Variants in GNB1 observed in about 807,000 individuals in gnomAD.
The protein encoded by GNB1 is G protein subunit beta 1, also known as guanine nucleotide-binding protein G(I)/G(S)/G(T) subunit beta-1.
A neutral mutation model predicts 42.9 loss-of-function variants in GNB1; 2 were observed. The ratio of observed to expected loss-of-function variants is 0.05; its 90% CI spans 0.02 to 0.15. The LOEUF (loss-of-function observed/expected upper bound fraction) is 0.15, where lower values mean the gene tolerates loss of function less well. Ranked by LOEUF, GNB1 falls within the 10% of genes least tolerant of loss-of-function variation. The probability of loss-of-function intolerance (pLI) is 1.00; values close to 1 mark genes in which losing one functional copy is unlikely to be tolerated. For synonymous variants in GNB1, 183 were observed against 174.7 expected (o/e 1.05, Z -0.38); for missense variants, 193 against 462.2 (o/e 0.42, Z 5.34).
At chr1:1,886,351 T>C (rs1049455668) in intron 1 of GNB1, among the ~76,000 whole-genome samples, 1 of 152,144 alleles carries the variant, frequency 6.6e-6, no homozygotes, top group Non-Finnish European at 1.5e-5. Context: ...ACTAATCCAC[T>C]AGCAAACTCA....
At chr1:1,862,342 C>G (rs1163158647) in intron 1 of GNB1, among the ~76,000 whole-genome samples, 1 of 152,204 alleles carries the variant, frequency 6.6e-6, no homozygotes, top group Non-Finnish European at 1.5e-5. Flanking sequence ...GGAGGCTTGT[C>G]AGGTAAATTA....
intron 2 of GNB1, among the ~76,000 whole-genome samples, chr1:1,836,099 AAAAAC>A (rs1647145244): frequency 6.6e-6 from 1 of 151,954 alleles, no homozygotes; most frequent in South Asian, 2.1e-4. Context: ...CAAAAAAACA[AAAAAC>A]AAACTCAAAA....
intron 5 of GNB1, 30 bp downstream of exon 5, chr1:1,815,726 A>T: frequency 8.6e-7 from 1 of 1,157,372 alleles, no homozygotes; most frequent in Non-Finnish European, 1.3e-6. Flanking sequence ...TGAATGTAAC[A>T]AGCAGCATCC....
chr1:1,811,285 A>C (rs916691546), intron 5 of GNB1, among the ~76,000 whole-genome samples: 1 of 151,638 alleles, frequency 6.6e-6, no homozygotes, highest in African/African-American at 2.4e-5. Context: ...ATGGGGTTTC[A>C]CCATGTCAGC....
intron 3 of GNB1, 78 bp from the exon 4 acceptor site, chr1:1,817,953 A>T (rs925300647): frequency 1.8e-6 from 2 of 1,134,292 alleles, no homozygotes; most frequent in Non-Finnish European, 2.7e-6. Context: ...CAAAGTTTCA[A>T]AGAGAGCTTT....
At chr1:1,841,338 G>A (rs1307943251) in intron 1 of GNB1, among the ~76,000 whole-genome samples, 2 of 152,040 alleles carry the variant, frequency 1.3e-5, no homozygotes, top group African/African-American at 2.4e-5. Context: ...ACAGGCACAC[G>A]CCATGCCTTT....
intron 3 of GNB1, 31 bp from the exon 4 acceptor site, chr1:1,817,906 AC>A: frequency 6.4e-7 from 1 of 1,567,734 alleles, no homozygotes; most frequent in Non-Finnish European, 8.8e-7. Flanking sequence ...GAAATTAGCA[AC>A]CTTTCAGATA....
chr1:1,876,474 A>G (rs1052498955), intron 1 of GNB1, among the ~76,000 whole-genome samples: 6 of 148,272 alleles, frequency 4.0e-5, no homozygotes, highest in Non-Finnish European at 5.9e-5. Flanking sequence ...AGCAAGAGAG[A>G]GGACATGCAT....
chr1:1,878,837 TTCCTACAAGACTC>T (rs1212312246), intron 1 of GNB1, among the ~76,000 whole-genome samples: 1 of 152,106 alleles, frequency 6.6e-6, no homozygotes, highest in Non-Finnish European at 1.5e-5. Context: ...TCCGACTACT[TTCCTACAAGACTC>T]TCCTCACCCC....
chr1:1,790,153 C>A lies in GNB1; in HGVS notation c.699+242G>T, dbSNP rs1436210696. 1.3e-5 allele frequency among the ~76,000 whole-genome samples: 2 copies of A among 152,198 alleles called. No homozygotes were observed. The highest frequency in any genetic ancestry group is 2.9e-5 in the Non-Finnish European group (2 of 68,040). ...CTGTCTTTCCCCTCCAGGATCCCAA[C>A]CACTGCTCAGCTGTAGAGGTGGGAA... On this transcript the variant is annotated intron_variant, in intron 9 of 11. Coordinates refer to ENST00000378609, the MANE Select transcript of GNB1 (RefSeq NM_002074.5). The surrounding 1 kb of genome is among the most constrained non-coding windows in gnomAD (Gnocchi z 5.4).
At position 1,796,519 on chromosome 1, in the gene GNB1, A is replaced by G. The variant is rs531935244; in HGVS notation, c.431-3208T>C. 3.9e-5 allele frequency among the ~76,000 whole-genome samples: 6 copies of G among 152,354 alleles called. No individual in the cohort carries two copies. In the East Asian group the frequency reaches 1.2e-3, roughly 29 times the overall value. On this transcript the variant is annotated intron_variant, in intron 7 of 11. Coordinates refer to ENST00000378609, the MANE Select transcript of GNB1 (RefSeq NM_002074.5). ...AGGAGCAGAGCTGTCTGTGCACATA[A>G]GAAGTTCTCAGTAAATGGAGACAGT...
intron 2 of GNB1, among the ~76,000 whole-genome samples, chr1:1,830,932 G>A (rs944110388): frequency 6.6e-6 from 1 of 152,166 alleles, no homozygotes; most frequent in South Asian, 2.1e-4. Context: ...GAGAGGCTGA[G>A]GCAGGTGGAT....
At chr1:1,793,452 T>A (rs946297478) in intron 7 of GNB1, 141 bp from the exon 8 acceptor site, 1 of 590,084 alleles carries the variant, frequency 1.7e-6, no homozygotes, top group Admixed American at 2.4e-5. Flanking sequence ...TTTATTCCCA[T>A]CTGTGCACAC....
At chr1:1,867,235 C>T (rs1409596354) in intron 1 of GNB1, among the ~76,000 whole-genome samples, 1 of 152,156 alleles carries the variant, frequency 6.6e-6, no homozygotes, top group Non-Finnish European at 1.5e-5. Context: ...CCACTTCACC[C>T]CAGCCTGGCA....
At chr1:1,812,204 G>A (rs1646789762) in intron 5 of GNB1, among the ~76,000 whole-genome samples, 1 of 146,458 alleles carries the variant, frequency 6.8e-6, no homozygotes, top group South Asian at 2.1e-4. Flanking sequence ...GTCATGTGGT[G>A]GGGGGCAGGA....
chr1:1,853,714 G>A (rs1648111851), intron 1 of GNB1, among the ~76,000 whole-genome samples: 1 of 152,108 alleles, frequency 6.6e-6, no homozygotes, highest in South Asian at 2.1e-4. Context: ...TATGTCTTCA[G>A]GCTATTTAGA....
chr1:1,873,638 C>T (rs991610431), intron 1 of GNB1, among the ~76,000 whole-genome samples: 4 of 152,176 alleles, frequency 2.6e-5, no homozygotes, highest in Non-Finnish European at 4.4e-5. Context: ...AGACTGGACG[C>T]AGTGGCTCAC....
chr1:1,845,260 G>A (rs892944750), intron 1 of GNB1, among the ~76,000 whole-genome samples: 13 of 152,160 alleles, frequency 8.5e-5, no homozygotes, highest in Non-Finnish European at 1.5e-4. Flanking sequence ...AAATTTAAGC[G>A]TCATATTGGT....
chr1:1,845,455 C>A (rs1037173948), intron 1 of GNB1, among the ~76,000 whole-genome samples: 4 of 152,108 alleles, frequency 2.6e-5, no homozygotes, highest in African/African-American at 9.7e-5. Context: ...CGCCTGTAGT[C>A]CCAGCTACTC....
Sources: allele counts gnomAD v4.1 joint callset (sites outside exome capture counted in the v4.1 genomes callset), GRCh38; gene constraint gnomAD v4.1.1; non-coding constraint Gnocchi (gnomAD v3.1); transcripts MANE v1.5; gene names NCBI Gene and HGNC (gene_info 2026-07-23, HGNC 2026-07-21).